The following C10orf143 variants were observed in gnomAD, a reference collection of about 807,000 sequenced individuals.
C10orf143 encodes uncharacterized protein C10orf143.
At chr10:130,090,633 C>G (rs971435225) in intron 1 of C10orf143, among the ~76,000 whole-genome samples, 2 of 152,152 alleles carry the variant, frequency 1.3e-5, no homozygotes, top group East Asian at 1.9e-4. Flanking sequence ...GATCCCACCC[C>G]CAAGGAGCCC....
chr10:130,044,061 T>C (rs560561923), intron 3 of C10orf143, among the ~76,000 whole-genome samples: 2 of 140,588 alleles, frequency 1.4e-5, no homozygotes, highest in South Asian at 4.7e-4. Flanking sequence ...GAGAGAGAGA[T>C]GGTAAAGAAG....
At chr10:130,106,904 G>A (rs1373931024) in intron 1 of C10orf143, 1 of 1,033,754 alleles carries the variant, frequency 9.7e-7, no homozygotes, top group Non-Finnish European at 1.5e-6. Flanking sequence ...AGACGTAACG[G>A]ATGATGATAA....
chr10:130,035,974 G>C (rs1404346110), intron 3 of C10orf143: 1 of 152,158 alleles, frequency 6.6e-6, no homozygotes, highest in African/African-American at 2.4e-5. Flanking sequence ...TCTTCACCTG[G>C]TGGAGAGAGA....
intron 1 of C10orf143, among the ~76,000 whole-genome samples, chr10:130,088,031 A>C (rs1233316604): frequency 6.6e-6 from 1 of 152,256 alleles, no homozygotes; most frequent in Non-Finnish European, 1.5e-5. Flanking sequence ...CATATGTATT[A>C]CATGTGTTAA....
At chr10:130,108,789 A>T (rs1246477770) in intron 1 of C10orf143, among the ~76,000 whole-genome samples, 1 of 152,222 alleles carries the variant, frequency 6.6e-6, no homozygotes, top group Non-Finnish European at 1.5e-5. Context: ...AGGTGTAGAC[A>T]AATGTGAAAG....
chr10:130,063,550 T>C (rs1269486025), downstream of C10orf143, among the ~76,000 whole-genome samples: 3 of 152,328 alleles, frequency 2.0e-5, no homozygotes, highest in Non-Finnish European at 4.4e-5. Flanking sequence ...TTCAACACCT[T>C]GTCTTCCTCT....
intron 1 of C10orf143, among the ~76,000 whole-genome samples, chr10:130,097,604 A>C (rs1861482591): frequency 6.6e-6 from 1 of 152,214 alleles, no homozygotes. Context: ...TCCATCTAAG[A>C]GATATGTTCA....
At chr10:130,080,022 G>T in intron 1 of C10orf143, 121 bp from the exon 2 acceptor site, 1 of 397,632 alleles carries the variant, frequency 2.5e-6, no homozygotes, top group Non-Finnish European at 4.4e-6. Context: ...AAACTTTATA[G>T]GGCATTTGAG....
At chr10:130,094,626 C>G (rs1267690703) in intron 1 of C10orf143, among the ~76,000 whole-genome samples, 1 of 152,112 alleles carries the variant, frequency 6.6e-6, no homozygotes, top group Non-Finnish European at 1.5e-5. Context: ...TGACAAAAAC[C>G]ACATGATTGT....
chr10:130,106,844 C>CT (rs1246512538), intron 1 of C10orf143: 3 of 1,149,526 alleles, frequency 2.6e-6, no homozygotes, highest in Non-Finnish European at 4.0e-6. Flanking sequence ...CATCAAGACT[C>CT]TGACTGAACA....
intron 3 of C10orf143, among the ~76,000 whole-genome samples, chr10:130,075,322 C>A (rs932197514): frequency 2.0e-5 from 3 of 152,126 alleles, no homozygotes; most frequent in Non-Finnish European, 4.4e-5. Flanking sequence ...CTTTCATGTC[C>A]AGGCTCTCGG....
chr10:130,043,509 G>C (rs1860630745), intron 3 of C10orf143, among the ~76,000 whole-genome samples: 1 of 152,162 alleles, frequency 6.6e-6, no homozygotes, highest in African/African-American at 2.4e-5. Flanking sequence ...CAGCAACTTT[G>C]CTCGTTCCAG....
Position 130,065,377 on chromosome 10 carries a change from C to T in C10orf143, c.298-994G>A, listed in dbSNP as rs1476502496. The T allele has an allele frequency of 6.6e-6, 1 of 152,284 alleles. No homozygotes were observed. Among genetic ancestry groups the T allele is most frequent in the African/African-American group, 2.4e-5 (1 of 41,400 alleles). The allele number at this position is 152,284 out of a possible 1,614,324, so 9.4% of individuals were successfully genotyped here. On this transcript the variant is annotated intron_variant, in intron 3 of 3. Coordinates refer to ENST00000637128, the MANE Select transcript of C10orf143 (RefSeq NM_001355042.2). This position sits in a 1 kb window ranked among gnomAD's most constrained non-coding sequence, Gnocchi z 4.2. ...AAGGCTTCACACAAGACAGGAATCT[C>T]GGGTGGGCCACGAAGGAGCAAGAGA...
At chr10:130,107,540 G>T (rs1228241659) in intron 1 of C10orf143, 2 of 1,345,622 alleles carry the variant, frequency 1.5e-6, no homozygotes, top group Non-Finnish European at 1.1e-6. Context: ...TCTAAAAAAA[G>T]ATCCTTATGT....
intron 3 of C10orf143, chr10:130,068,630 AG>A (rs1860980406): frequency 2.0e-5 from 3 of 150,926 alleles, no homozygotes; most frequent in African/African-American, 4.9e-5. Context: ...AAAAAAAAAA[AG>A]AAGATTATGA....
At chr10:130,054,872 G>A (rs1463992063) in intron 3 of C10orf143, among the ~76,000 whole-genome samples, 1 of 152,110 alleles carries the variant, frequency 6.6e-6, no homozygotes, top group Non-Finnish European at 1.5e-5. Context: ...CAAATCTATA[G>A]ACCAATGGAA....
chr10:130,086,297 G>A (rs995760585), intron 1 of C10orf143, among the ~76,000 whole-genome samples: 1 of 152,104 alleles, frequency 6.6e-6, no homozygotes, highest in South Asian at 2.1e-4. Context: ...TTATTAAGTC[G>A]TCTTTGTCTT....
chr10:130,103,451 C>T (rs1380660355), intron 1 of C10orf143, among the ~76,000 whole-genome samples: 1 of 152,016 alleles, frequency 6.6e-6, no homozygotes, highest in African/African-American at 2.4e-5. Context: ...GATGGCACTG[C>T]TGTACTCCAG....
intron 1 of C10orf143, among the ~76,000 whole-genome samples, chr10:130,083,129 T>C (rs987287382): frequency 2.0e-5 from 3 of 151,950 alleles, no homozygotes; most frequent in African/African-American, 7.3e-5. Context: ...AGAAAAGACA[T>C]AAACAATTTA....
Sources: allele counts gnomAD v4.1 joint callset (sites outside exome capture counted in the v4.1 genomes callset), GRCh38; gene constraint gnomAD v4.1.1; non-coding constraint Gnocchi (gnomAD v3.1); transcripts MANE v1.5; gene names NCBI Gene and HGNC (gene_info 2026-07-23, HGNC 2026-07-21).